Variants in SLC9D1 observed in about 807,000 individuals in gnomAD.
SLC9D1 encodes putative LAG1-interacting protein.
At chr13:113,494,929 G>A in the SLC9D1 span, among the ~76,000 whole-genome samples, 3 of 152,044 alleles carry the variant, frequency 2.0e-5, no homozygotes, top group East Asian at 5.8e-4. Context: ...TGTTGCCCAA[G>A]CTGGAGTACA....
the SLC9D1 span, among the ~76,000 whole-genome samples, chr13:113,508,386 C>T: frequency 6.6e-6 from 1 of 152,242 alleles, no homozygotes; most frequent in Non-Finnish European, 1.5e-5. Flanking sequence ...GTGGCCTCCT[C>T]AGGCTGCAGC....
At chr13:113,550,025 G>A in the SLC9D1 span, 1 of 227,524 alleles carries the variant, frequency 4.4e-6, no homozygotes. Flanking sequence ...GATTCTTAAA[G>A]CCTATGTTTT....
chr13:113,497,724 TGAG>T, the SLC9D1 span, among the ~76,000 whole-genome samples: 3 of 152,244 alleles, frequency 2.0e-5, no homozygotes, highest in Admixed American at 2.0e-4. Flanking sequence ...ACTTAGTAAT[TGAG>T]GCGATGATGT....
At chr13:113,527,480 C>G in the SLC9D1 span, 1 of 152,218 alleles carries the variant, frequency 6.6e-6, no homozygotes, top group Non-Finnish European at 1.5e-5. Context: ...TCATCCAGTG[C>G]CTGGGAAGCG....
chr13:113,497,946 T>C, the SLC9D1 span, among the ~76,000 whole-genome samples: 22 of 152,254 alleles, frequency 1.4e-4, no homozygotes, highest in Non-Finnish European at 2.4e-4. Flanking sequence ...AACTTGAATT[T>C]GACTGTGCAT....
chr13:113,498,528 G>T, the SLC9D1 span: 255 of 1,566,104 alleles, frequency 1.6e-4, 1 homozygote, highest in East Asian at 4.7e-3. Flanking sequence ...ATCAGTAAGC[G>T]TTCCAGAACA....
At chr13:113,543,691 C>T in the SLC9D1 span, among the ~76,000 whole-genome samples, 3 of 149,982 alleles carry the variant, frequency 2.0e-5, no homozygotes, top group African/African-American at 2.5e-5. Context: ...CTGCCCTGGC[C>T]GTGGCGTGTG....
chr13:113,502,655 A>G, the SLC9D1 span, among the ~76,000 whole-genome samples: 1 of 152,228 alleles, frequency 6.6e-6, no homozygotes. Context: ...CCAAGCTTCC[A>G]GCTGTCTCCC....
chr13:113,523,523 G>A, the SLC9D1 span, among the ~76,000 whole-genome samples: 1 of 152,030 alleles, frequency 6.6e-6, no homozygotes, highest in East Asian at 1.9e-4. Flanking sequence ...TGCTTATGTT[G>A]ATAACTTGCA....
the SLC9D1 span, among the ~76,000 whole-genome samples, chr13:113,524,705 T>A: frequency 0.19 from 27,960 of 148,032 alleles, 3,361 homozygotes; most frequent in African/African-American, 0.35. Flanking sequence ...AATAATATTA[T>A]TTTTTTTTTT....
the SLC9D1 span, among the ~76,000 whole-genome samples, chr13:113,497,509 T>TGA: frequency 1.3e-5 from 2 of 150,108 alleles, no homozygotes; most frequent in African/African-American, 4.9e-5. Context: ...TGCAGCTGTG[T>TGA]GAGACCTGCA....
the SLC9D1 span, chr13:113,548,546 C>T: frequency 1.4e-5 from 20 of 1,404,688 alleles, no homozygotes; most frequent in African/African-American, 4.3e-5. Flanking sequence ...GGCAGCACAG[C>T]GGGGCCTGGG....
chr13:113,504,206 AC>A, the SLC9D1 span: 1 of 152,106 alleles, frequency 6.6e-6, no homozygotes, highest in African/African-American at 2.4e-5. Context: ...ACAACTGTAC[AC>A]CCTTTCTGTA....
chr13:113,514,178 T>G, the SLC9D1 span: 1 of 152,352 alleles, frequency 6.6e-6, no homozygotes. Flanking sequence ...CTTTGTAACC[T>G]TCTTTTTCAT....
At chr13:113,534,045 C>G in the SLC9D1 span, 1 of 1,588,838 alleles carries the variant, frequency 6.3e-7, no homozygotes, top group South Asian at 1.2e-5. Flanking sequence ...TCTTTCCCAG[C>G]ATTGTCGTGG....
the SLC9D1 span, among the ~76,000 whole-genome samples, chr13:113,542,865 C>T: frequency 6.6e-6 from 1 of 152,114 alleles, no homozygotes; most frequent in African/African-American, 2.4e-5. Flanking sequence ...CCGAGGCAGT[C>T]CTGAAAGCAG....
At chr13:113,519,631 A>G in the SLC9D1 span, among the ~76,000 whole-genome samples, 1 of 151,958 alleles carries the variant, frequency 6.6e-6, no homozygotes, top group Non-Finnish European at 1.5e-5. Flanking sequence ...CACACAGTGA[A>G]GGCTCATTCC....
At chr13:113,524,889 T>C in the SLC9D1 span, among the ~76,000 whole-genome samples, 2 of 151,662 alleles carry the variant, frequency 1.3e-5, no homozygotes, top group South Asian at 4.2e-4. Flanking sequence ...CAGGTAAATA[T>C]TGATATGTTG....
chr13:113,547,248 C>A, the SLC9D1 span: 1 of 1,346,438 alleles, frequency 7.4e-7, no homozygotes, highest in Non-Finnish European at 1.1e-6. Context: ...AAATAGTGTG[C>A]GCTGGGGGAG....
Sources: gnomAD v4.1 joint callset for allele counts (sites outside exome capture counted in the v4.1 genomes callset) on GRCh38, gnomAD v4.1.1 for gene constraint, MANE v1.5 for transcripts, NCBI Gene and HGNC (gene_info 2026-07-23, HGNC 2026-07-21) for gene names.